The following LDLRAD3 variants were observed in gnomAD, a reference collection of about 807,000 sequenced individuals.
The protein encoded by LDLRAD3 is low-density lipoprotein receptor class A domain-containing protein 3.
LDLRAD3 carries 20 observed loss-of-function variants against 29.4 expected under a neutral mutation model. That is an observed-to-expected ratio of 0.68 (90% CI 0.48 to 0.99). The LOEUF is 0.99. Ranked by LOEUF, LDLRAD3 falls within the 50% of genes least tolerant of loss-of-function variation. The pLI is 0.00. For missense variants in LDLRAD3, 420 were observed against 454.3 expected (o/e 0.92, Z 0.69); for synonymous variants, 157 against 192.7 (o/e 0.81, Z 1.53).
intron 4 of LDLRAD3, among the ~76,000 whole-genome samples, chr11:36,168,462 A>T (rs1235586039): frequency 1.4e-5 from 2 of 147,030 alleles, no homozygotes; most frequent in Non-Finnish European, 1.5e-5. Flanking sequence ...TGTAGAGGGG[A>T]TGGATAAATG....
At chr11:36,023,526 A>G (rs1300102361) in intron 1 of LDLRAD3, among the ~76,000 whole-genome samples, 1 of 152,184 alleles carries the variant, frequency 6.6e-6, no homozygotes, top group Non-Finnish European at 1.5e-5. Flanking sequence ...TCTCTATTAA[A>G]CAAGAGGAAC....
chr11:35,987,331 T>C (rs555681983), intron 1 of LDLRAD3, among the ~76,000 whole-genome samples: 1 of 152,244 alleles, frequency 6.6e-6, no homozygotes, highest in East Asian at 1.9e-4. Flanking sequence ...GATGCTAGGG[T>C]TTGGGGCATG....
At chr11:36,206,205 T>G (rs1855206083) in intron 4 of LDLRAD3, among the ~76,000 whole-genome samples, 1 of 152,232 alleles carries the variant, frequency 6.6e-6, no homozygotes, top group Non-Finnish European at 1.5e-5. Flanking sequence ...GAGTTAATAC[T>G]GTATGCGGTA....
intron 1 of LDLRAD3, among the ~76,000 whole-genome samples, chr11:35,956,796 T>C (rs1427189365): frequency 6.6e-6 from 1 of 152,146 alleles, no homozygotes; most frequent in Non-Finnish European, 1.5e-5. Context: ...GGTGCAGTGG[T>C]GCAATCTCGG....
chr11:36,155,444 A>G (rs1036586736), intron 4 of LDLRAD3, among the ~76,000 whole-genome samples: 76 of 152,248 alleles, frequency 5.0e-4, no homozygotes, highest in African/African-American at 1.6e-3. Flanking sequence ...TCATAGTTAT[A>G]TTGACTTCCG....
At chr11:35,996,849 A>C (rs1395155195) in intron 1 of LDLRAD3, among the ~76,000 whole-genome samples, 1 of 152,172 alleles carries the variant, frequency 6.6e-6, no homozygotes, top group East Asian at 1.9e-4. Context: ...GTCTCATCCA[A>C]ATTCTTCCAA....
At chr11:36,066,886 A>T (rs1373415712) in intron 2 of LDLRAD3, among the ~76,000 whole-genome samples, 4 of 152,218 alleles carry the variant, frequency 2.6e-5, no homozygotes, top group Non-Finnish European at 4.4e-5. Flanking sequence ...AATCTGACTC[A>T]TCACTTTCCT....
chr11:35,977,430 A>C, intron 1 of LDLRAD3, among the ~76,000 whole-genome samples: 1 of 152,240 alleles, frequency 6.6e-6, no homozygotes, highest in South Asian at 2.1e-4. Flanking sequence ...AGGAAAACAT[A>C]TAATGGGGCC....
intron 4 of LDLRAD3, among the ~76,000 whole-genome samples, chr11:36,133,207 C>CTTTCTTTTT (rs546734877): frequency 6.8e-6 from 1 of 146,538 alleles, no homozygotes; most frequent in Admixed American, 6.7e-5. Context: ...TTTCTTTTTT[C>CTTTCTTTTT]TTTTTTTTAG....
rs565441778 is a variant in LDLRAD3 at position 36,036,471 on chromosome 11, GAGC to G, written c.193+225_193+227del. Among the ~76,000 whole-genome samples the G allele has an allele frequency of 1.6e-4, 24 of 152,306 alleles. No homozygotes were observed. The East Asian group carries it at 3.9e-3, about 24-fold the overall frequency. On this transcript the variant is annotated intron_variant, in intron 2 of 5. Transcript: ENST00000315571. ...TGGTGGTGGAGCCAACGCTTTGAGA[GAGC>G]AGAAGGTTTTACCATCAGGCTCTAC...
At chr11:35,959,115 A>G (rs1306363034) in intron 1 of LDLRAD3, among the ~76,000 whole-genome samples, 3 of 152,168 alleles carry the variant, frequency 2.0e-5, no homozygotes, top group Non-Finnish European at 4.4e-5. Flanking sequence ...AGCCTGATGG[A>G]GAAGGAACGC....
chr11:35,960,246 C>T (rs930392968), intron 1 of LDLRAD3, among the ~76,000 whole-genome samples: 8 of 152,216 alleles, frequency 5.3e-5, no homozygotes, highest in African/African-American at 1.4e-4. Flanking sequence ...ATTTTAGCTG[C>T]GGTAGAATAT....
At chr11:36,143,699 G>A (rs971756842) in intron 4 of LDLRAD3, among the ~76,000 whole-genome samples, 1 of 152,132 alleles carries the variant, frequency 6.6e-6, no homozygotes, top group Non-Finnish European at 1.5e-5. Context: ...CTGGAGGCCG[G>A]AAGTCCAAGC....
At chr11:36,097,044 G>T (rs188748693) in intron 3 of LDLRAD3, among the ~76,000 whole-genome samples, 2 of 152,328 alleles carry the variant, frequency 1.3e-5, no homozygotes, top group African/African-American at 4.8e-5. Flanking sequence ...ATTTGCTGTT[G>T]TGTTGTTAAG....
Position 36,011,376 on chromosome 11 carries a change from G to T in LDLRAD3, c.47-24727G>T, listed in dbSNP as rs115810736. Among the ~76,000 whole-genome samples, 453 of 152,170 alleles carry T rather than the reference G, an allele frequency of 3.0e-3. 3 individuals are homozygous for T. Among genetic ancestry groups the T allele is most frequent in the African/African-American group, 0.011 (441 of 41,516 alleles). ...AAAACAGAGCATGCGATAGGCAGCG[G>T]GTATCTATTAAATATAAATATCTTG... On this transcript the variant is annotated intron_variant, in intron 1 of 5. Transcript: ENST00000315571.
chr11:36,203,841 A>C (rs1855164018), intron 4 of LDLRAD3, among the ~76,000 whole-genome samples: 1 of 152,102 alleles, frequency 6.6e-6, no homozygotes, highest in Admixed American at 6.5e-5. Flanking sequence ...CATCTCAGCT[A>C]GTGACTTTCT....
intron 4 of LDLRAD3, among the ~76,000 whole-genome samples, chr11:36,125,200 A>G (rs1853817868): frequency 6.6e-6 from 1 of 152,146 alleles, no homozygotes; most frequent in South Asian, 2.1e-4. Context: ...AGCAGGGATC[A>G]TACTTGTTTC....
chr11:36,150,697 G>A (rs1327670670), intron 4 of LDLRAD3, among the ~76,000 whole-genome samples: 6 of 152,138 alleles, frequency 3.9e-5, no homozygotes, highest in South Asian at 2.1e-4. Context: ...AGAGGTTGCC[G>A]TGAGCCAAGA....
At chr11:36,012,410 A>G (rs908717752) in intron 1 of LDLRAD3, among the ~76,000 whole-genome samples, 10 of 152,040 alleles carry the variant, frequency 6.6e-5, no homozygotes, top group Non-Finnish European at 4.4e-5. Context: ...TCCTTTCCTT[A>G]CTAAGTCGAG....
Sources: allele counts gnomAD v4.1 joint callset (sites outside exome capture counted in the v4.1 genomes callset), GRCh38; gene constraint gnomAD v4.1.1; transcripts MANE v1.5; gene names NCBI Gene and HGNC (gene_info 2026-07-23, HGNC 2026-07-21).